The following IGSF9B variants were observed in gnomAD, a reference collection of about 807,000 sequenced individuals.
The protein encoded by IGSF9B is protein turtle homolog B.
Under a neutral mutation model 143.7 loss-of-function variants are expected in IGSF9B, and 48 were observed. The observed-to-expected ratio is 0.33, with a 90% confidence interval of 0.26 to 0.42. The LOEUF is 0.42. Among genes scored for constraint, IGSF9B ranks in the 20% least tolerant of loss-of-function variants. The pLI is 1.00. For synonymous variants in IGSF9B, 903 were observed against 833.1 expected (o/e 1.08, Z -1.44); for missense variants, 1,706 against 1,980.0 (o/e 0.86, Z 2.63).
At position 133,937,929 on chromosome 11, in the gene IGSF9B, A is replaced by G. The variant is rs1939855693; in HGVS notation, c.442T>C (p.Tyr148His). The change falls in exon 4 of 20, where the codon TAC (tyrosine) becomes CAC (histidine). Residue 148 changes from tyrosine (Y) to histidine (H), a missense_variant. By Grantham distance (83) the Tyr-to-His change is moderately conservative (BLOSUM62 2). Coordinates refer to ENST00000533871, the MANE Select transcript of IGSF9B (RefSeq NM_001277285.4). ...CTACCACCCTCCTTGGCCTCGATGT[A>G]CTGGGGGGGTGTTTCTGTAAAGGTG... ...PPTFTETPPQ[Y>H]IEAKEGGSIT... The G allele has an allele frequency of 6.2e-7, 1 of 1,613,176 alleles. No individual in the cohort carries two copies. The highest frequency in any genetic ancestry group is 8.5e-7 in the Non-Finnish European group (1 of 1,179,692).
chr11:133,909,908 A>G lies in IGSF9B; in HGVS notation c.4106-631T>C, dbSNP rs1219365197. Among the ~76,000 whole-genome samples the G allele has an allele frequency of 1.3e-5, 2 of 152,256 alleles. No homozygotes were observed. The highest frequency in any genetic ancestry group is 2.9e-5 in the Non-Finnish European group (2 of 68,050). ...ATACTACAAAGATAAAATAGGGTCAACTGAGGCACTACTCCGCTCCTTAAA... is the reference window on the plus strand; with the variant it reads ...ATACTACAAAGATAAAATAGGGTCAGCTGAGGCACTACTCCGCTCCTTAAA... On this transcript the variant is annotated intron_variant, in intron 19 of 19. Coordinates refer to ENST00000533871, the MANE Select transcript of IGSF9B (RefSeq NM_001277285.4). This position sits in a 1 kb window ranked among gnomAD's most constrained non-coding sequence, Gnocchi z 4.2.
chr11:133,931,733 A>G lies in IGSF9B; in HGVS notation c.1173T>C (p.Ala391=), dbSNP rs1262737098. ...SIRIEEATEE[A]LGTYTCVPYN... is the part of the protein sequence containing the mutation. ...AAGGCACACAGGTATAAGTGCCAAG[A>G]GCCTCCTCTGTGGCCTCCTCAATTC... Residue 391 remains alanine, a synonymous_variant, in exon 9 of 20, where the codon GCT becomes GCC. Coordinates refer to ENST00000533871, the MANE Select transcript of IGSF9B (RefSeq NM_001277285.4). The surrounding 1 kb of genome is among the most constrained non-coding windows in gnomAD (Gnocchi z 7.7). 1 of 1,611,798 alleles carries G rather than the reference A, an allele frequency of 6.2e-7. No individual in the cohort carries two copies. The highest frequency in any genetic ancestry group is 1.3e-5 in the African/African-American group (1 of 74,798).
Position 133,902,052 on chromosome 11 carries a change from TAC to T in IGSF9B, c.*7015_*7016del, listed in dbSNP as rs764760833. On this transcript the variant is annotated 3_prime_UTR_variant, in exon 20 of 20. Coordinates refer to ENST00000533871, the MANE Select transcript of IGSF9B (RefSeq NM_001277285.4). ...TACCACACACCACACCCACACACAATACACACATACCACACACAATAACACAC... is the reference window on the plus strand; with the variant it reads ...TACCACACACCACACCCACACACAATACACATACCACACACAATAACACAC... Among the ~76,000 whole-genome samples the T allele has an allele frequency of 8.5e-5, 9 of 106,144 alleles. No homozygotes were observed. The highest frequency in any genetic ancestry group is 1.5e-4 in the Non-Finnish European group (8 of 52,854). The allele number at this position is 106,144 out of a possible 152,430, so 69.6% of individuals were successfully genotyped here. A position where few individuals can be genotyped will look rare whatever the true frequency, so the allele number is the denominator to read the frequency against.
chr11:133,917,711 T>C (rs927614089), intron 18 of IGSF9B, among the ~76,000 whole-genome samples: 2 of 152,080 alleles, frequency 1.3e-5, no homozygotes, highest in African/African-American at 4.8e-5. Context: ...GAAGTGGGGC[T>C]CATCCCAACC....
chr11:133,910,249 A>C (rs1939280574), intron 19 of IGSF9B, among the ~76,000 whole-genome samples: 1 of 152,166 alleles, frequency 6.6e-6, no homozygotes, highest in East Asian at 1.9e-4. Flanking sequence ...GAAAGAGAGG[A>C]TGCCGCTACG....
rs1371057521 is a variant in IGSF9B at position 133,932,204 on chromosome 11, C to T, written c.977G>A (p.Arg326His). Residue 326 changes from arginine (R) to histidine (H), a missense_variant, in exon 8 of 20, where the codon CGT becomes CAT. Physicochemically the swap from Arg to His is conservative, Grantham distance 29. Transcript: ENST00000533871. ...SAYLTVQYPA[R>H]VLNMPPVIYV... The stretch of plus-strand genomic sequence containing the variant: ...AATCACAGGGGGCATGTTGAGGACA[C>T]GCGCTGGGTCTGCATAGAGGAAGCG... 2.6e-6 allele frequency: 4 copies of T among 1,562,846 alleles called. No individual in the cohort carries two copies. The highest frequency in any genetic ancestry group is 1.7e-6 in the Non-Finnish European group (2 of 1,153,528).
At chr11:133,927,675 G>A (rs553439336) in intron 12 of IGSF9B, among the ~76,000 whole-genome samples, 6 of 152,206 alleles carry the variant, frequency 3.9e-5, no homozygotes, top group Non-Finnish European at 7.4e-5. Context: ...AGAAGGTCAC[G>A]CTATGCATGG....
In IGSF9B at chr11:133,934,571, G is replaced by C. The variant is rs375423264; in HGVS notation, c.967+1046C>G. Among the ~76,000 whole-genome samples, 895 of 152,372 alleles carry C rather than the reference G, an allele frequency of 5.9e-3. 7 individuals carry two copies. The highest frequency in any genetic ancestry group is 0.02 in the African/African-American group (829 of 41,596). On this transcript the variant is annotated intron_variant, in intron 7 of 19. Coordinates refer to ENST00000533871, the MANE Select transcript of IGSF9B (RefSeq NM_001277285.4). ...CTTTAAGTGGCTGACGGCAGACGCAGAGAGGCGATGCACTCCATAGAGAGG... is the reference window on the plus strand; with the variant it reads ...CTTTAAGTGGCTGACGGCAGACGCACAGAGGCGATGCACTCCATAGAGAGG...
chr11:133,932,128 T>G lies in IGSF9B; in HGVS notation c.1053A>C (p.Glu351Asp), dbSNP rs370753217. The G allele has an allele frequency of 6.2e-7, 1 of 1,613,588 alleles. No homozygotes were observed. The highest frequency in any genetic ancestry group is 8.5e-7 in the Non-Finnish European group (1 of 1,179,736). Reference sequence around the variant, plus strand: ...TCCACTTGACCACGGTGGCCGGTGGTTCTGCGTCCACAGGGCAGCGGATGT... The same window carrying G: ...TCCACTTGACCACGGTGGCCGGTGGGTCTGCGTCCACAGGGCAGCGGATGT... The part of the protein sequence containing the change: ...HGYIRCPVDA[E>D]PPATVVKWNK... Residue 351 changes from glutamate to aspartate, a missense_variant, in exon 8 of 20, where the codon GAA (glutamate) becomes GAC (aspartate). Glu to Asp is a conservative substitution (Grantham distance 45). This residue lies in a region of IGSF9B where 238 missense variants were observed against 452.6 expected (regional missense o/e 0.53). Transcript: ENST00000533871.
At chr11:133,935,921 C>T in intron 6 of IGSF9B, 132 bp downstream of exon 6, 3 of 1,391,742 alleles carry the variant, frequency 2.2e-6, no homozygotes, top group Admixed American at 2.2e-5. Context: ...ATGTGAGACA[C>T]ACGGACCAGA....
chr11:133,918,203 C>G (rs988328172), intron 18 of IGSF9B, among the ~76,000 whole-genome samples: 3 of 152,070 alleles, frequency 2.0e-5, no homozygotes, highest in East Asian at 1.9e-4. Flanking sequence ...ATGGCCCGGC[C>G]GAAGCCCCGT....
At chr11:133,936,785 GC>G (rs1197959258) in intron 5 of IGSF9B, among the ~76,000 whole-genome samples, 44 of 152,202 alleles carry the variant, frequency 2.9e-4, no homozygotes, top group African/African-American at 1.0e-3. Flanking sequence ...CCTCCAGGAG[GC>G]AGGGCTGGGG....
At chr11:133,925,317 C>T (rs576815182) in intron 14 of IGSF9B, among the ~76,000 whole-genome samples, 2 of 152,340 alleles carry the variant, frequency 1.3e-5, no homozygotes, top group South Asian at 2.1e-4. Flanking sequence ...AGAGATAATG[C>T]ACTTTCTTCC....
At chr11:133,933,754 G>A (rs748570851) in intron 7 of IGSF9B, among the ~76,000 whole-genome samples, 6 of 152,086 alleles carry the variant, frequency 3.9e-5, no homozygotes, top group Non-Finnish European at 8.8e-5. Context: ...GCTCTCGGAG[G>A]AGCAACGAGA....
intron 12 of IGSF9B, among the ~76,000 whole-genome samples, chr11:133,927,753 G>A (rs1273627188): frequency 1.3e-5 from 2 of 152,166 alleles, no homozygotes; most frequent in African/African-American, 4.8e-5. Context: ...AAAGCCGGAG[G>A]GCTATGGGTG....
Position 133,909,723 on chromosome 11 carries a change from T to A in IGSF9B, c.4106-446A>T, listed in dbSNP as rs1445180262. 6.6e-6 allele frequency among the ~76,000 whole-genome samples: 1 copy of A among 152,222 alleles called. No individual in the cohort carries two copies. Among genetic ancestry groups the A allele is most frequent in the East Asian group, 1.9e-4 (1 of 5,196 alleles). ...GCAACGGTCAGGCCTTGACCCTTCCTGGACTGCCTGGGCCTCTCCTCTGCC... is the reference window on the plus strand; with the variant it reads ...GCAACGGTCAGGCCTTGACCCTTCCAGGACTGCCTGGGCCTCTCCTCTGCC... On this transcript the variant is annotated intron_variant, in intron 19 of 19. Transcript: ENST00000533871. This position sits in a 1 kb window ranked among gnomAD's most constrained non-coding sequence, Gnocchi z 4.2.
At chr11:133,917,960 G>A (rs1352416824) in intron 18 of IGSF9B, among the ~76,000 whole-genome samples, 1 of 151,172 alleles carries the variant, frequency 6.6e-6, no homozygotes, top group East Asian at 2.0e-4. Flanking sequence ...TCTGTGGGAG[G>A]CCCTGGGTGT....
Position 133,931,120 on chromosome 11 carries a change from G to A in IGSF9B, c.1383C>T (p.Ser461=). 1 of 1,612,772 alleles carries A rather than the reference G, an allele frequency of 6.2e-7. No homozygotes were observed. Among genetic ancestry groups the A allele is most frequent in the Non-Finnish European group, 8.5e-7 (1 of 1,179,224 alleles). Residue 461 remains serine, a synonymous_variant, in exon 11 of 20, where the codon AGC becomes AGT. Coordinates refer to ENST00000533871, the MANE Select transcript of IGSF9B (RefSeq NM_001277285.4). The surrounding 1 kb of genome is among the most constrained non-coding windows in gnomAD (Gnocchi z 7.7). ...TGGGCAGGGCACTGTGCTTGCTTCT[G>A]CTGGGCTTCCCTACCTTGGTGAACA... ...VITWRKVGKP[S]RSKHSALPSG...
chr11:133,904,533 C>A lies in IGSF9B; in HGVS notation c.*4536G>T, dbSNP rs533745271. On this transcript the variant is annotated 3_prime_UTR_variant, in exon 20 of 20. Coordinates refer to ENST00000533871, the MANE Select transcript of IGSF9B (RefSeq NM_001277285.4). ...ACATGCAGGACCCCACCCCACAATCCGTCCCTGATGCCCAGATCCCCCTCC... is the reference window on the plus strand; with the variant it reads ...ACATGCAGGACCCCACCCCACAATCAGTCCCTGATGCCCAGATCCCCCTCC... Among the ~76,000 whole-genome samples, 9 of 152,158 alleles carry A rather than the reference C, an allele frequency of 5.9e-5. No homozygotes were observed. Among genetic ancestry groups the A allele is most frequent in the Non-Finnish European group, 1.3e-4 (9 of 67,988 alleles).
Sources: gnomAD v4.1 joint callset for allele counts (sites outside exome capture counted in the v4.1 genomes callset) on GRCh38, gnomAD v4.1.1 for gene constraint, gnomAD v4.1.1 regional missense constraint, Gnocchi (gnomAD v3.1) non-coding constraint, MANE v1.5 for transcripts, NCBI Gene and HGNC (gene_info 2026-07-23, HGNC 2026-07-21) for gene names.